The following ARIH1 variants were observed in gnomAD, a reference collection of about 807,000 sequenced individuals.
ARIH1 encodes the protein E3 ubiquitin-protein ligase ARIH1.
In ARIH1, 8 loss-of-function variants were observed where a neutral mutation model predicts 85.0. The observed-to-expected ratio is 0.09, with a 90% CI of 0.06 to 0.17. The LOEUF (loss-of-function observed/expected upper bound fraction) is 0.17, where lower values mean the gene tolerates loss of function less well. Ranked by LOEUF, ARIH1 falls within the 10% of genes least tolerant of loss-of-function variation. ARIH1 has a pLI of 1.00. For synonymous variants in ARIH1, 238 were observed against 253.6 expected, an observed-to-expected ratio of 0.94 and a Z score of 0.59; for missense variants, 311 against 718.1, an observed-to-expected ratio of 0.43 and a Z score of 6.48.
intron 11 of ARIH1, among the ~76,000 whole-genome samples, chr15:72,575,059 C>A (rs971064596): frequency 1.3e-5 from 2 of 151,930 alleles, no homozygotes; most frequent in South Asian, 2.1e-4. Flanking sequence ...GATGACGCCA[C>A]CCCTCTTTAG....
Position 72,566,536 on chromosome 15 carries a change from C to T in ARIH1, c.912-27C>T, listed in dbSNP as rs751464704. 5.6e-6 allele frequency: 9 copies of T among 1,600,054 alleles called. No individual in the cohort carries two copies. In the East Asian group the frequency reaches 1.1e-4, roughly 20 times the overall value. On this transcript the variant is annotated intron_variant, in intron 7 of 13. Coordinates refer to ENST00000379887, the MANE Select transcript of ARIH1 (RefSeq NM_005744.5). ...TGCTTACAGTAGGTAGGCCTTAATT[C>T]TATTAACTCTTTGTGTCACTTAACA...
intron 5 of ARIH1, among the ~76,000 whole-genome samples, chr15:72,557,873 C>G (rs1425150710): frequency 6.6e-6 from 1 of 152,156 alleles, no homozygotes; most frequent in Non-Finnish European, 1.5e-5. Flanking sequence ...ATATTAAATG[C>G]TACTGAATTT....
chr15:72,570,344 T>G, intron 10 of ARIH1, 37 bp downstream of exon 10: 1 of 1,612,236 alleles, frequency 6.2e-7, no homozygotes, highest in South Asian at 1.1e-5. Flanking sequence ...TGTGTTTACA[T>G]AAGTATGTGC....
At chr15:72,557,034 A>G (rs1260670532) in intron 5 of ARIH1, among the ~76,000 whole-genome samples, 2 of 152,124 alleles carry the variant, frequency 1.3e-5, no homozygotes, top group Non-Finnish European at 2.9e-5. Flanking sequence ...CATACTAGTG[A>G]ATGTGTCTTT....
intron 1 of ARIH1, among the ~76,000 whole-genome samples, chr15:72,484,135 T>A (rs1378296809): frequency 3.5e-5 from 5 of 143,438 alleles, no homozygotes; most frequent in African/African-American, 1.3e-4. Flanking sequence ...ATTATGCCAT[T>A]GCACTCCAGC....
rs375614248 is a variant in ARIH1, at chr15:72,474,873, TGGCGGCGGC to T, written c.249_257del (p.Gly88_Gly90del). 260 of 1,413,100 alleles carry T rather than the reference TGGCGGCGGC, an allele frequency of 1.8e-4. 2 individuals are homozygous for T. Among genetic ancestry groups the T allele is most frequent in the Middle Eastern group, 9.5e-4 (5 of 5,276 alleles). The allele number at this position is 1,413,100 out of a possible 1,614,324, so 87.5% of individuals were successfully genotyped here. On this transcript the variant is annotated inframe_deletion, in exon 1 of 14. Transcript: ENST00000379887. ...GCGGCAGCGCTCTGGGGCCCGGCGG[TGGCGGCGGC>T]GGCGGCGGCGGCGGTGGTGGTGGCG... is the stretch of plus-strand genomic sequence containing the variant.
At chr15:72,496,015 A>G (rs779052371) in intron 1 of ARIH1, among the ~76,000 whole-genome samples, 1 of 152,146 alleles carries the variant, frequency 6.6e-6, no homozygotes, top group Non-Finnish European at 1.5e-5. Context: ...GGCTCGAGCA[A>G]TCCTTCCGCC....
At chr15:72,514,443 G>C (rs1245673867) in intron 1 of ARIH1, among the ~76,000 whole-genome samples, 1 of 151,996 alleles carries the variant, frequency 6.6e-6, no homozygotes, top group East Asian at 1.9e-4. Flanking sequence ...TTCAGACCGG[G>C]CTCTGTAATC....
chr15:72,592,574 CT>C lies in ARIH1; in HGVS notation c.*9283del, dbSNP rs941238837. On this transcript the variant is annotated 3_prime_UTR_variant, in exon 14 of 14. Coordinates refer to ENST00000379887, the MANE Select transcript of ARIH1 (RefSeq NM_005744.5). ...ATTCTCAAGTACTTTTAAATCACCC[CT>C]GAGCACCTCCCCACTCCAGTGATCA... 1 of 152,204 alleles carries C rather than the reference CT, an allele frequency of 6.6e-6. No homozygotes were observed. Among genetic ancestry groups the C allele is most frequent in the Non-Finnish European group, 1.5e-5 (1 of 68,032 alleles). The allele number at this position is 152,204 out of a possible 1,614,324, so 9.4% of individuals were successfully genotyped here.
chr15:72,583,180 GT>G (rs542674015), intron 13 of ARIH1, 27 bp from the exon 14 acceptor site: 61,401 of 1,251,266 alleles, frequency 0.049, 170 homozygotes, highest in Middle Eastern at 0.093. Context: ...CTGACAACAA[GT>G]TTTTTTTTTT....
chr15:72,544,705 T>C, intron 2 of ARIH1, 115 bp from the exon 3 acceptor site: 3 of 952,516 alleles, frequency 3.1e-6, no homozygotes, highest in South Asian at 1.9e-5. Flanking sequence ...AAGGTTGTTA[T>C]CTTGTTTTAT....
Position 72,518,126 on chromosome 15 carries a change from A to C in ARIH1, c.435A>C (p.Leu145=). ...LSHFNWDKEK[L]MERYFDGNLE... The stretch of plus-strand genomic sequence containing the variant: ...ACTTCAATTGGGATAAAGAGAAGCT[A>C]ATGGAAAGGTAAGGAACTATATTGT... The change falls in exon 2 of 14, where the codon CTA becomes CTC. Residue 145 remains leucine (L), a synonymous_variant. Coordinates refer to ENST00000379887, the MANE Select transcript of ARIH1 (RefSeq NM_005744.5). The C allele has an allele frequency of 6.2e-7, 1 of 1,606,714 alleles. No individual in the cohort carries two copies. Among genetic ancestry groups the C allele is most frequent in the Non-Finnish European group, 8.5e-7 (1 of 1,173,792 alleles).
At chr15:72,523,725 G>A (rs2064011185) in intron 2 of ARIH1, among the ~76,000 whole-genome samples, 1 of 151,904 alleles carries the variant, frequency 6.6e-6, no homozygotes, top group Non-Finnish European at 1.5e-5. Flanking sequence ...GGAGGCTATG[G>A]GTATGTATTA....
intron 11 of ARIH1, among the ~76,000 whole-genome samples, chr15:72,578,797 CT>C (rs762188608): frequency 7.3e-6 from 1 of 136,424 alleles, no homozygotes; most frequent in Non-Finnish European, 1.6e-5. Flanking sequence ...TTAAATTTTG[CT>C]TTTTTTTGTT....
At position 72,592,989 on chromosome 15, in the gene ARIH1, T is replaced by G. The variant is rs1436543459; in HGVS notation, c.*9697T>G. 1 of 152,170 alleles carries G rather than the reference T, an allele frequency of 6.6e-6. No homozygotes were observed. The highest frequency in any genetic ancestry group is 1.9e-4 in the East Asian group (1 of 5,196). The allele number at this position is 152,170 out of a possible 1,614,324, so 9.4% of individuals were successfully genotyped here. A position where few individuals can be genotyped will look rare whatever the true frequency, so the allele number is the denominator to read the frequency against. On this transcript the variant is annotated 3_prime_UTR_variant, in exon 14 of 14. Transcript: ENST00000379887. The stretch of plus-strand genomic sequence containing the variant: ...AGTGCATGTTTATAAGAAACTGCCC[T>G]CTTATTCTCCAAAGTGGTTTTACCA...
At chr15:72,504,328 T>G (rs1018382757) in intron 1 of ARIH1, among the ~76,000 whole-genome samples, 3 of 152,184 alleles carry the variant, frequency 2.0e-5, no homozygotes, top group Non-Finnish European at 4.4e-5. Flanking sequence ...GTACTGGGAT[T>G]ACAGTGTGAG....
At chr15:72,493,787 A>G (rs2140397758) in intron 1 of ARIH1, among the ~76,000 whole-genome samples, 1 of 152,244 alleles carries the variant, frequency 6.6e-6, no homozygotes, top group South Asian at 2.1e-4. Context: ...ATGTATACTG[A>G]GCTTTTCTCC....
chr15:72,508,922 G>A (rs527339100), intron 1 of ARIH1, among the ~76,000 whole-genome samples: 1 of 151,578 alleles, frequency 6.6e-6, no homozygotes, highest in South Asian at 2.1e-4. Flanking sequence ...TCAAACTCCT[G>A]ACTTTAGGTG....
At chr15:72,583,124 G>C (rs2064301085) in intron 13 of ARIH1, 84 bp from the exon 14 acceptor site, 1 of 1,053,140 alleles carries the variant, frequency 9.5e-7, no homozygotes, top group Non-Finnish European at 1.4e-6. Context: ...TAAACTATAG[G>C]GATGCCTTAA....
Sources: gnomAD v4.1 joint callset for allele counts (sites outside exome capture counted in the v4.1 genomes callset) on GRCh38, gnomAD v4.1.1 for gene constraint, MANE v1.5 for transcripts, NCBI Gene and HGNC (gene_info 2026-07-23, HGNC 2026-07-21) for gene names.